MIOX: variants seen among roughly 807,000 people sequenced by gnomAD.
The protein encoded by MIOX is inositol oxygenase.
A neutral mutation model predicts 42.7 loss-of-function variants in MIOX; 51 were observed. The ratio of observed to expected loss-of-function variants is 1.19; its 90% confidence interval spans 0.95 to 1.51. The LOEUF is 1.51. Ranked by LOEUF, MIOX falls within the 40% of genes most tolerant of loss-of-function variation. The pLI, the probability that MIOX is intolerant of heterozygous loss-of-function variation, is 0.00. For missense variants in MIOX, 395 were observed against 381.3 expected (o/e 1.04, Z -0.30); for synonymous variants, 168 against 154.4 (o/e 1.09, Z -0.65).
Position 50,488,069 on chromosome 22 carries a change from AG to A in MIOX, c.340+27del, listed in dbSNP as rs750198805. The A allele has an allele frequency of 1.6e-4, 253 of 1,612,548 alleles. 1 individual carries two copies. The Middle Eastern group carries it at 2.0e-3, about 13-fold the overall frequency. The stretch of plus-strand genomic sequence containing the variant: ...CAAGGGTGAGCCCTGGCTGTGCTGC[AG>A]GGGGGCAGGTGCTGCCTCCAAGGGG... On this transcript the variant is annotated intron_variant, in intron 4 of 9. Coordinates refer to ENST00000216075, the MANE Select transcript of MIOX (RefSeq NM_017584.6).
In MIOX at chr22:50,489,085, G is replaced by T; in HGVS notation, c.454G>T (p.Ala152Ser). 1 of 1,612,282 alleles carries T rather than the reference G, an allele frequency of 6.2e-7. No homozygotes were observed. Among genetic ancestry groups the T allele is most frequent in the Non-Finnish European group, 8.5e-7 (1 of 1,179,866 alleles). ...DTFPVGCRPQ[A>S]SVVFCDSTFQ... ...CTTCCCCGTCGGATGCCGTCCGCAG[G>T]CCTCCGTGGTTTTCTGCGACTCCAC... Residue 152 changes from alanine (A) to serine (S), a missense_variant, in exon 6 of 10, where the codon GCC (alanine) becomes TCC (serine). Ala to Ser is a moderately conservative substitution (Grantham distance 99, BLOSUM62 1). Coordinates refer to ENST00000216075, the MANE Select transcript of MIOX (RefSeq NM_017584.6).
chr22:50,488,347 G>A lies in MIOX; in HGVS notation c.408+5G>A. 6.3e-7 allele frequency: 1 copy of A among 1,593,914 alleles called. No individual in the cohort carries two copies. Among genetic ancestry groups the A allele is most frequent in the South Asian group, 1.1e-5 (1 of 88,250 alleles). On this transcript the variant is annotated splice_donor_5th_base_variant and intron_variant, in intron 5 of 9. Coordinates refer to ENST00000216075, the MANE Select transcript of MIOX (RefSeq NM_017584.6). ...GCCCTGTTCGGGGAGCCCCAGGTAAGAGTTGGAAGTGGAGGGTGAGGAGGC... is the reference window on the plus strand; with the variant it reads ...GCCCTGTTCGGGGAGCCCCAGGTAAAAGTTGGAAGTGGAGGGTGAGGAGGC...
chr22:50,490,014 G>GCGT lies in MIOX; in HGVS notation c.*160_*162dup. 1 of 640,508 alleles carries GCGT rather than the reference G, an allele frequency of 1.6e-6. No homozygotes were observed. Among genetic ancestry groups the GCGT allele is most frequent in the Non-Finnish European group, 2.7e-6 (1 of 364,554 alleles). 39.7% of individuals were successfully genotyped at this position (640,508 alleles called of 1,614,324 possible). On this transcript the variant is annotated 3_prime_UTR_variant, in exon 10 of 10. Coordinates refer to ENST00000216075, the MANE Select transcript of MIOX (RefSeq NM_017584.6). ...CACCCCTCACGGCAACTTGTGCCTGGCGTCAATAAAGACCTGGAAGGATGT... is the reference window on the plus strand; with the variant it reads ...CACCCCTCACGGCAACTTGTGCCTGGCGTCGTCAATAAAGACCTGGAAGGATGT...
chr22:50,489,697 G>A (rs758602778), intron 9 of MIOX, 51 bp from the exon 10 acceptor site: 5 of 1,604,346 alleles, frequency 3.1e-6, no homozygotes, highest in Non-Finnish European at 4.3e-6. Context: ...AGGGGGTTGG[G>A]TGGGGGGCCT....
intron 4 of MIOX, 38 bp downstream of exon 4, chr22:50,488,086 C>T (rs1284616189): frequency 6.2e-7 from 1 of 1,611,270 alleles, no homozygotes; most frequent in Non-Finnish European, 8.5e-7. Context: ...CAGGTGCTGC[C>T]TCCAAGGGGC....
At position 50,489,809 on chromosome 22, in the gene MIOX, T is replaced by G; in HGVS notation, c.811T>G (p.Tyr271Asp). Residue 271 changes from tyrosine (Y) to aspartate (D), a missense_variant, in exon 10 of 10, where the codon TAC becomes GAC. Coordinates refer to ENST00000216075, the MANE Select transcript of MIOX (RefSeq NM_017584.6). ...LPDVDKLRPY[Y>D]QGLIDKYCPG... Reference sequence around the variant, plus strand: ...GGACGTGGACAAGCTGCGGCCCTACTACCAGGGGCTCATTGACAAGTACTG... The same window carrying G: ...GGACGTGGACAAGCTGCGGCCCTACGACCAGGGGCTCATTGACAAGTACTG... The G allele has an allele frequency of 6.2e-7, 1 of 1,611,842 alleles. No individual in the cohort carries two copies. Among genetic ancestry groups the G allele is most frequent in the Non-Finnish European group, 8.5e-7 (1 of 1,179,908 alleles).
Position 50,489,663 on chromosome 22 carries a change from C to A in MIOX, c.749+19C>A. On this transcript the variant is annotated intron_variant, in intron 9 of 9. Coordinates refer to ENST00000216075, the MANE Select transcript of MIOX (RefSeq NM_017584.6). Reference sequence around the variant, plus strand: ...AGTTCAAGTACGCCCCGCTACCCGCCGAGGGGTGTTGTGGGAGTGAAAGAG... The same window carrying A: ...AGTTCAAGTACGCCCCGCTACCCGCAGAGGGGTGTTGTGGGAGTGAAAGAG... 7.5e-7 allele frequency: 1 copy of A among 1,334,630 alleles called. No individual in the cohort carries two copies. 82.7% of individuals were successfully genotyped at this position (1,334,630 alleles called of 1,614,324 possible).
In MIOX at chr22:50,489,127, G is replaced by A; in HGVS notation, c.496G>A (p.Asp166Asn). 2 of 1,613,360 alleles carry A rather than the reference G, an allele frequency of 1.2e-6. No individual in the cohort carries two copies. Among genetic ancestry groups the A allele is most frequent in the Non-Finnish European group, 8.5e-7 (1 of 1,179,924 alleles). Residue 166 changes from aspartate (D) to asparagine (N), a missense_variant, in exon 6 of 10, where the codon GAC (aspartate) becomes AAC (asparagine). Physicochemically the swap from Asp to Asn is conservative, Grantham distance 23. Transcript: ENST00000216075. ...CGACTCCACCTTCCAGGACAACCCTGACCTCCAGGATCCTCGATACAGGTG... is the reference window on the plus strand; with the variant it reads ...CGACTCCACCTTCCAGGACAACCCTAACCTCCAGGATCCTCGATACAGGTG... ...FCDSTFQDNPDLQDPRYSTEL... is the reference protein window; with the variant it reads ...FCDSTFQDNPNLQDPRYSTEL...
rs562806959 is a variant in MIOX at position 50,489,754 on chromosome 22, C to T, written c.756C>T (p.Phe252=). The T allele has an allele frequency of 1.4e-5, 22 of 1,612,010 alleles. No individual in the cohort carries two copies. The highest frequency in any genetic ancestry group is 7.7e-5 in the South Asian group (7 of 91,056). The part of the protein sequence containing the change: ...MLPWVREFNK[F]DLYTKCPDLP... ...CCGCCCCTCCCTGCTGCAGCAAGTT[C>T]GACCTCTACACCAAGTGCCCGGACC... The change falls in exon 10 of 10, where the codon TTC becomes TTT. Residue 252 remains phenylalanine, a synonymous_variant. Transcript: ENST00000216075.
Position 50,487,896 on chromosome 22 carries a change from T to C in MIOX, c.188T>C (p.Phe63Ser), listed in dbSNP as rs142172208. The C allele has an allele frequency of 6.9e-5, 112 of 1,613,656 alleles. No homozygotes were observed. The highest frequency in any genetic ancestry group is 9.1e-5 in the Non-Finnish European group (107 of 1,179,832). Residue 63 changes from phenylalanine to serine, a missense_variant, in exon 4 of 10, where the codon TTT becomes TCT. Coordinates refer to ENST00000216075, the MANE Select transcript of MIOX (RefSeq NM_017584.6). ...VDFVRSKHAQ[F>S]GGFSYKKMTV... ...CTCCTTCCCCGCCAGCATGCCCAGTTTGGGGGCTTCTCCTACAAGAAAATG... is the reference window on the plus strand; with the variant it reads ...CTCCTTCCCCGCCAGCATGCCCAGTCTGGGGGCTTCTCCTACAAGAAAATG...
At chr22:50,487,855 T>G (rs1005466455) in intron 3 of MIOX, 31 bp from the exon 4 acceptor site, 1 of 1,612,894 alleles carries the variant, frequency 6.2e-7, no homozygotes, top group African/African-American at 1.3e-5. Flanking sequence ...CTGCTGACCC[T>G]GGGCCACACT....
rs1324586714 is a variant in MIOX at position 50,488,870 on chromosome 22, C to T, written c.409-170C>T. ...ATCGGCAACATCTTCCCCCACTCCC[C>T]CCATGGCCGCCCGTCCCTCCTGTCC... On this transcript the variant is annotated intron_variant, in intron 5 of 9. Transcript: ENST00000216075. Among the ~76,000 whole-genome samples, 3 of 92,534 alleles carry T rather than the reference C, an allele frequency of 3.2e-5. 1 individual carries two copies. The highest frequency in any genetic ancestry group is 7.2e-5 in the Non-Finnish European group (3 of 41,528). The allele number at this position is 92,534 out of a possible 152,430, so 60.7% of individuals were successfully genotyped here.
Position 50,487,906 on chromosome 22 carries a change from C to T in MIOX, c.198C>T (p.Phe66=). The T allele has an allele frequency of 6.2e-7, 1 of 1,613,948 alleles. No individual in the cohort carries two copies. Among genetic ancestry groups the T allele is most frequent in the Non-Finnish European group, 8.5e-7 (1 of 1,179,892 alleles). The change falls in exon 4 of 10, where the codon TTC becomes TTT. Residue 66 remains phenylalanine, a synonymous_variant. Transcript: ENST00000216075. ...GCCAGCATGCCCAGTTTGGGGGCTT[C>T]TCCTACAAGAAAATGACAGTCATGG... is the stretch of plus-strand genomic sequence containing the variant. ...VRSKHAQFGG[F]SYKKMTVMEA...
At position 50,487,651 on chromosome 22, in the gene MIOX, C is replaced by T. The variant is rs781333552; in HGVS notation, c.97-11C>T. 3.7e-6 allele frequency: 6 copies of T among 1,611,280 alleles called. No individual in the cohort carries two copies. In the African/African-American group the frequency reaches 6.7e-5, roughly 18 times the overall value. ...GGGTGGGGGTGGCGCCACTGACCCTCCGGCCTGCAGTCAGGTCCCCTCCTG... is the reference window on the plus strand; with the variant it reads ...GGGTGGGGGTGGCGCCACTGACCCTTCGGCCTGCAGTCAGGTCCCCTCCTG... On this transcript the variant is annotated splice_polypyrimidine_tract_variant and intron_variant, in intron 2 of 9. Transcript: ENST00000216075.
chr22:50,489,030 C>CCCTCCTGTT lies in MIOX; in HGVS notation c.409-6_409-5insCTGTTCCTC. 6.2e-7 allele frequency: 1 copy of CCCTCCTGTT among 1,603,038 alleles called. No homozygotes were observed. The highest frequency in any genetic ancestry group is 1.1e-5 in the South Asian group (1 of 90,784). The stretch of plus-strand genomic sequence containing the variant: ...CCCCATGGCCTCCCGTCCCTCCTGT[C>CCCTCCTGTT]CCTCTGCAGTGGGCTGTCGTCGGCG... On this transcript the variant is annotated splice_polypyrimidine_tract_variant and intron_variant, in intron 5 of 9. Coordinates refer to ENST00000216075, the MANE Select transcript of MIOX (RefSeq NM_017584.6).
chr22:50,487,629 T>TG, intron 2 of MIOX, 33 bp from the exon 3 acceptor site: 1 of 1,600,490 alleles, frequency 6.2e-7, no homozygotes, highest in Non-Finnish European at 8.5e-7. Context: ...GTGTGCAGGG[T>TG]GGGGGTGGCG....
intron 8 of MIOX, 31 bp downstream of exon 8, chr22:50,489,477 C>A (rs752682498): frequency 1.9e-6 from 3 of 1,609,438 alleles, no homozygotes; most frequent in South Asian, 2.2e-5. Flanking sequence ...CGCAGCCCGT[C>A]CACCAGGCCC....
At position 50,490,126 on chromosome 22, in the gene MIOX, C is replaced by T. The variant is rs143666145; in HGVS notation, c.*270C>T. On this transcript the variant is annotated 3_prime_UTR_variant, in exon 10 of 10. Coordinates refer to ENST00000216075, the MANE Select transcript of MIOX (RefSeq NM_017584.6). Reference sequence around the variant, plus strand: ...TGCCAGCAGGGTGGAGGCCAAGTCCCAGGCTTTCAGGTGTGTGTGTCCCAC... The same window carrying T: ...TGCCAGCAGGGTGGAGGCCAAGTCCTAGGCTTTCAGGTGTGTGTGTCCCAC... 4.9e-5 allele frequency: 25 copies of T among 505,446 alleles called. No individual in the cohort carries two copies. Among genetic ancestry groups the T allele is most frequent in the Middle Eastern group, 5.4e-4 (1 of 1,846 alleles). The allele number at this position is 505,446 out of a possible 1,614,324, so 31.3% of individuals were successfully genotyped here.
chr22:50,488,343 G>A lies in MIOX; in HGVS notation c.408+1G>A. 6.3e-7 allele frequency: 1 copy of A among 1,597,120 alleles called. No homozygotes were observed. Among genetic ancestry groups the A allele is most frequent in the Non-Finnish European group, 8.5e-7 (1 of 1,171,002 alleles). ...CCTGGCCCTGTTCGGGGAGCCCCAG[G>A]TAAGAGTTGGAAGTGGAGGGTGAGG... On this transcript the variant is annotated splice_donor_variant, in intron 5 of 9. Coordinates refer to ENST00000216075, the MANE Select transcript of MIOX (RefSeq NM_017584.6). LOFTEE classifies it high-confidence loss of function.
Sources: gnomAD v4.1 joint callset for allele counts (sites outside exome capture counted in the v4.1 genomes callset) on GRCh38, gnomAD v4.1.1 for gene constraint, MANE v1.5 for transcripts, NCBI Gene and HGNC (gene_info 2026-07-23, HGNC 2026-07-21) for gene names.